Variants in KDELR2 observed in about 807,000 individuals in gnomAD.
The protein encoded by KDELR2 is KDEL endoplasmic reticulum protein retention receptor 2.
KDELR2 carries 15 observed loss-of-function variants against 23.9 expected under a neutral mutation model. The observed-to-expected ratio is 0.63, with a 90% CI of 0.42 to 0.97. The LOEUF (loss-of-function observed/expected upper bound fraction) is 0.97, where lower values mean the gene tolerates loss of function less well. Among genes scored for constraint, KDELR2 ranks in the 50% least tolerant of loss-of-function variants. The probability of loss-of-function intolerance (pLI) is 0.00; values close to 1 mark genes in which losing one functional copy is unlikely to be tolerated. For missense variants in KDELR2, 272 were observed against 254.6 expected (o/e 1.07, Z -0.46); for synonymous variants, 119 against 106.2 (o/e 1.12, Z -0.74).
At position 6,474,165 on chromosome 7, in the gene KDELR2, T is replaced by C. The variant is rs1336548042; in HGVS notation, c.192+19A>G. The C allele has an allele frequency of 6.9e-7, 1 of 1,441,022 alleles. No individual in the cohort carries two copies. The highest frequency in any genetic ancestry group is 1.7e-5 in the Admixed American group (1 of 59,722). 89.3% of individuals were successfully genotyped at this position (1,441,022 alleles called of 1,614,324 possible). ...GTGCACTGTAGATGAAATACATTCC[T>C]GTGGATGGCATACCATACCTTCATA... is the stretch of plus-strand genomic sequence containing the variant. On this transcript the variant is annotated intron_variant, in intron 2 of 4. Coordinates refer to ENST00000258739, the MANE Select transcript of KDELR2 (RefSeq NM_006854.4).
At chr7:6,469,977 C>A in intron 2 of KDELR2, 1 of 369,750 alleles carries the variant, frequency 2.7e-6, no homozygotes, top group Non-Finnish European at 4.8e-6. Flanking sequence ...TCCATCATCC[C>A]CAAAATTCTG....
At chr7:6,469,416 C>G (rs529137064) in intron 3 of KDELR2, among the ~76,000 whole-genome samples, 180 bp downstream of exon 3, 1 of 152,238 alleles carries the variant, frequency 6.6e-6, no homozygotes, top group East Asian at 1.9e-4. Context: ...CCACCACACC[C>G]AGCTAATTTT....
At chr7:6,476,095 T>A (rs1233182084) in intron 1 of KDELR2, among the ~76,000 whole-genome samples, 2 of 152,178 alleles carry the variant, frequency 1.3e-5, no homozygotes, top group African/African-American at 2.4e-5. Flanking sequence ...TTGTATTACA[T>A]GTTGTTTTTC....
At chr7:6,469,556 G>A (rs768427944) in intron 3 of KDELR2, 40 bp downstream of exon 3, 15 of 1,594,344 alleles carry the variant, frequency 9.4e-6, no homozygotes, top group East Asian at 4.5e-5. Context: ...TTACAGGCAT[G>A]AGCCACCATG....
intron 1 of KDELR2, among the ~76,000 whole-genome samples, chr7:6,476,661 T>C (rs1164321187): frequency 6.6e-6 from 1 of 152,184 alleles, no homozygotes; most frequent in Non-Finnish European, 1.5e-5. Context: ...GGGACCATCA[T>C]ATTGTCTTTA....
chr7:6,478,261 C>T (rs1465908872), intron 1 of KDELR2, among the ~76,000 whole-genome samples: 3 of 152,018 alleles, frequency 2.0e-5, no homozygotes, highest in Non-Finnish European at 4.4e-5. Context: ...GATTCTCCCT[C>T]CTTAGCCACC....
chr7:6,469,652 C>T lies in KDELR2; in HGVS notation c.295G>A (p.Val99Met), dbSNP rs769863156. The change falls in exon 3 of 5, where the codon GTG (valine) becomes ATG (methionine). Residue 99 changes from valine (V) to methionine (M), a missense_variant. Transcript: ENST00000258739. Reference sequence around the variant, plus strand: ...AATGAGAGGCCTCCCACAGGGACCACCAGAAACTCCACTCGGAAGGTATCA... The same window carrying T: ...AATGAGAGGCCTCCCACAGGGACCATCAGAAACTCCACTCGGAAGGTATCA... ...NHDTFRVEFL[V>M]VPVGGLSFLV... is the part of the protein sequence containing the mutation. The T allele has an allele frequency of 5.6e-6, 9 of 1,614,104 alleles. No homozygotes were observed. Among genetic ancestry groups the T allele is most frequent in the Non-Finnish European group, 7.6e-6 (9 of 1,179,990 alleles).
At chr7:6,466,427 G>T in intron 3 of KDELR2, 104 bp from the exon 4 acceptor site, 1 of 1,443,098 alleles carries the variant, frequency 6.9e-7, no homozygotes, top group Non-Finnish European at 9.4e-7. Context: ...GATGAGTGGG[G>T]AGTGGGGCAT....
rs144347266 is a variant in KDELR2, at chr7:6,474,840, A to C, written c.92-556T>G. On this transcript the variant is annotated intron_variant, in intron 1 of 4. Transcript: ENST00000258739. ...TACCACACCCAGCTAATTTTTAAAC[A>C]AATTTTTTGTTCACCATGTTGCCCA... Among the ~76,000 whole-genome samples, 245 of 152,160 alleles carry C rather than the reference A, an allele frequency of 1.6e-3. 2 individuals carry two copies. The highest frequency in any genetic ancestry group is 0.014 in the South Asian group (69 of 4,822).
chr7:6,478,650 T>C (rs1398317794), intron 1 of KDELR2, among the ~76,000 whole-genome samples: 1 of 152,220 alleles, frequency 6.6e-6, no homozygotes, highest in African/African-American at 2.4e-5. Flanking sequence ...GCTTTGATAC[T>C]ATTCTGAATT....
At position 6,462,571 on chromosome 7, in the gene KDELR2, A is replaced by G. The variant is rs893140268; in HGVS notation, c.*570T>C. ...CCTCCAAGTCATCCTTACCAACCTT[A>G]AATGTAGTGTTGTGACATCCAACGA... On this transcript the variant is annotated 3_prime_UTR_variant, in exon 5 of 5. Coordinates refer to ENST00000258739, the MANE Select transcript of KDELR2 (RefSeq NM_006854.4). The G allele has an allele frequency of 6.1e-6, 1 of 164,304 alleles. No individual in the cohort carries two copies. The highest frequency in any genetic ancestry group is 2.4e-5 in the African/African-American group (1 of 41,568). The allele number at this position is 164,304 out of a possible 1,614,324, so 10.2% of individuals were successfully genotyped here. A position where few individuals can be genotyped will look rare whatever the true frequency, so the allele number is the denominator to read the frequency against.
intron 1 of KDELR2, among the ~76,000 whole-genome samples, chr7:6,476,373 G>T (rs1785752652): frequency 6.6e-6 from 1 of 152,232 alleles, no homozygotes. Context: ...TTCCAAAGGG[G>T]AAATGACAAG....
intron 1 of KDELR2, among the ~76,000 whole-genome samples, chr7:6,475,966 C>T (rs752108454): frequency 6.6e-6 from 1 of 152,144 alleles, no homozygotes; most frequent in Non-Finnish European, 1.5e-5. Flanking sequence ...GGCTGGAGTG[C>T]GGTGGCACAA....
intron 1 of KDELR2, chr7:6,482,556 G>T (rs1462250285): frequency 4.3e-6 from 2 of 470,572 alleles, no homozygotes; most frequent in African/African-American, 2.0e-5. Flanking sequence ...TTACTTCCCG[G>T]ATCTCAGTTA....
chr7:6,464,976 T>A (rs1406653174), intron 4 of KDELR2, among the ~76,000 whole-genome samples: 1 of 151,862 alleles, frequency 6.6e-6, no homozygotes, highest in South Asian at 2.1e-4. Context: ...CCTCAGACGA[T>A]CCACCCATCT....
rs3793170 is a variant in KDELR2 at position 6,476,032 on chromosome 7, C to A, written c.92-1748G>T. Among the ~76,000 whole-genome samples the A allele has an allele frequency of 3.2e-4, 49 of 152,318 alleles. 1 individual carries two copies. The highest frequency in any genetic ancestry group is 5.2e-4 in the Admixed American group (8 of 15,288). ...GGCTGAGGTGATCCTCCCACCTCAG[C>A]CTCCTGAGTAGCTGGGACTACAGGT... On this transcript the variant is annotated intron_variant, in intron 1 of 4. Transcript: ENST00000258739.
At chr7:6,475,515 C>A (rs961654314) in intron 1 of KDELR2, among the ~76,000 whole-genome samples, 1 of 152,052 alleles carries the variant, frequency 6.6e-6, no homozygotes, top group Non-Finnish European at 1.5e-5. Flanking sequence ...AGGTATGAAC[C>A]CACAACTACA....
At chr7:6,472,308 G>T (rs1785664171) in intron 2 of KDELR2, among the ~76,000 whole-genome samples, 1 of 152,110 alleles carries the variant, frequency 6.6e-6, no homozygotes, top group Non-Finnish European at 1.5e-5. Flanking sequence ...TTCCACTAAG[G>T]CCTTAGCAGC....
Position 6,480,822 on chromosome 7 carries a change from C to T in KDELR2, c.91+3145G>A, listed in dbSNP as rs58125153. Among the ~76,000 whole-genome samples, 502 of 152,226 alleles carry T rather than the reference C, an allele frequency of 3.3e-3. 8 individuals carry two copies. The highest frequency in any genetic ancestry group is 0.012 in the African/African-American group (478 of 41,536). ...AATTTAGTATGGAAAAATAAAGCAG[C>T]TTGTCAAAGTTAGCATTTAATTCTG... On this transcript the variant is annotated intron_variant, in intron 1 of 4. Coordinates refer to ENST00000258739, the MANE Select transcript of KDELR2 (RefSeq NM_006854.4).
Sources: gnomAD v4.1 joint callset for allele counts (sites outside exome capture counted in the v4.1 genomes callset) on GRCh38, gnomAD v4.1.1 for gene constraint, MANE v1.5 for transcripts, NCBI Gene and HGNC (gene_info 2026-07-23, HGNC 2026-07-21) for gene names.